The following HS6ST2 variants were observed in gnomAD, a reference collection of about 807,000 sequenced individuals.
The protein encoded by HS6ST2 is heparan-sulfate 6-O-sulfotransferase 2.
In HS6ST2, 17 loss-of-function variants were observed where a neutral mutation model predicts 33.0. The observed-to-expected ratio is 0.52, with a 90% CI of 0.35 to 0.77. The LOEUF (loss-of-function observed/expected upper bound fraction) is 0.77. Ranked by LOEUF, HS6ST2 falls within the 30% of genes least tolerant of loss-of-function variation. The pLI, the probability that HS6ST2 is intolerant of heterozygous loss-of-function variation, is 0.01. For synonymous variants in HS6ST2, 248 were observed against 237.1 expected, an observed-to-expected ratio of 1.05 and a Z score of -0.42; for missense variants, 519 against 551.7, an observed-to-expected ratio of 0.94 and a Z score of 0.59.
intron 2 of HS6ST2, among the ~76,000 whole-genome samples, chrX:132,779,229 C>T (rs1482746800): frequency 1.8e-5 from 2 of 111,677 alleles, no homozygotes; most frequent in East Asian, 5.6e-4. Context: ...TTAAAACATG[C>T]TTCATACCTC....
intron 2 of HS6ST2, among the ~76,000 whole-genome samples, chrX:132,786,045 C>T (rs1456193404): frequency 2.7e-5 from 3 of 111,725 alleles, no homozygotes; most frequent in Middle Eastern, 4.6e-3. Flanking sequence ...TGTCTCAGTT[C>T]CCTCATCTGT....
chrX:132,862,024 A>G (rs1304740334), intron 2 of HS6ST2, among the ~76,000 whole-genome samples: 1 of 111,916 alleles, frequency 8.9e-6, no homozygotes, highest in African/African-American at 3.2e-5. Flanking sequence ...ATTGAATCTT[A>G]TGCCATTTGA....
intron 3 of HS6ST2, among the ~76,000 whole-genome samples, chrX:132,699,218 G>C (rs1294895329): frequency 1.8e-5 from 2 of 111,590 alleles, no homozygotes; most frequent in African/African-American, 6.5e-5. Flanking sequence ...AGAAAGCTAG[G>C]GGCCTCTCCC....
chrX:132,914,858 A>T (rs771036617), intron 2 of HS6ST2, among the ~76,000 whole-genome samples: 1 of 112,916 alleles, frequency 8.9e-6, no homozygotes, highest in Non-Finnish European at 1.9e-5. Flanking sequence ...TACATTTTTA[A>T]GTATTAAGAT....
At chrX:132,727,091 T>C (rs1423677108) in intron 2 of HS6ST2, among the ~76,000 whole-genome samples, 2 of 110,855 alleles carry the variant, frequency 1.8e-5, no homozygotes, top group African/African-American at 6.6e-5. Flanking sequence ...TGACTCTTTA[T>C]GGAACTTAAG....
chrX:132,792,688 C>T (rs977214806), intron 2 of HS6ST2, among the ~76,000 whole-genome samples: 5 of 111,576 alleles, frequency 4.5e-5, no homozygotes. Flanking sequence ...CTGCCCACCA[C>T]TAATCTGCTT....
chrX:132,872,069 T>G (rs2066065682), intron 2 of HS6ST2, among the ~76,000 whole-genome samples: 1 of 111,126 alleles, frequency 9.0e-6, no homozygotes, highest in Non-Finnish European at 1.9e-5. Context: ...TCACCAAGAT[T>G]AGTTGGTATG....
chrX:132,749,630 G>A (rs927780003), intron 2 of HS6ST2, among the ~76,000 whole-genome samples: 2 of 112,029 alleles, frequency 1.8e-5, no homozygotes, highest in African/African-American at 6.5e-5. Context: ...CGCAGGCCAC[G>A]TGCTTATGGG....
intron 2 of HS6ST2, among the ~76,000 whole-genome samples, chrX:132,932,912 TATATA>T (rs1171012216): frequency 2.8e-5 from 3 of 106,326 alleles, no homozygotes; most frequent in South Asian, 3.9e-4. Flanking sequence ...TATATATTTA[TATATA>T]ATATATTTTT....
At chrX:132,789,730 G>A (rs1054529838) in intron 2 of HS6ST2, among the ~76,000 whole-genome samples, 1 of 111,914 alleles carries the variant, frequency 8.9e-6, no homozygotes, top group East Asian at 2.8e-4. Flanking sequence ...CAACATTAAC[G>A]GGAGTTTGGA....
chrX:132,845,643 ATTAG>A (rs1448113472), intron 2 of HS6ST2, among the ~76,000 whole-genome samples: 1 of 111,303 alleles, frequency 9.0e-6, no homozygotes, highest in Non-Finnish European at 1.9e-5. Context: ...TTGAGAGGCT[ATTAG>A]TTGTGCACAT....
intron 2 of HS6ST2, among the ~76,000 whole-genome samples, chrX:132,775,975 T>G (rs2064953921): frequency 9.0e-6 from 1 of 111,574 alleles, no homozygotes; most frequent in African/African-American, 3.3e-5. Flanking sequence ...ATACTCAAAT[T>G]TAGATGCTGA....
At chrX:132,781,784 C>T (rs985862969) in intron 2 of HS6ST2, among the ~76,000 whole-genome samples, 4 of 111,817 alleles carry the variant, frequency 3.6e-5, no homozygotes, top group African/African-American at 1.3e-4. Flanking sequence ...AACTCACTCA[C>T]TATCACAAGA....
At chrX:132,815,653 A>T (rs1322712540) in intron 2 of HS6ST2, among the ~76,000 whole-genome samples, 1 of 111,914 alleles carries the variant, frequency 8.9e-6, no homozygotes, top group African/African-American at 3.2e-5. Flanking sequence ...GTTTCCTCAT[A>T]TGTGAAATGA....
chrX:132,859,630 G>A (rs1188966621), intron 2 of HS6ST2, among the ~76,000 whole-genome samples: 2 of 93,232 alleles, frequency 2.1e-5, no homozygotes, highest in African/African-American at 7.9e-5. Context: ...GAGGGAAGGA[G>A]AGAGTCAGAG....
chrX:132,881,088 C>A (rs1181937350), intron 2 of HS6ST2, among the ~76,000 whole-genome samples: 1 of 111,160 alleles, frequency 9.0e-6, no homozygotes, highest in Admixed American at 9.6e-5. Flanking sequence ...AATAAACATA[C>A]ATGTGCATGT....
At chrX:132,884,526 A>G (rs1447814431) in intron 2 of HS6ST2, among the ~76,000 whole-genome samples, 1 of 112,047 alleles carries the variant, frequency 8.9e-6, no homozygotes, top group East Asian at 2.8e-4. Context: ...ATTCCACAAG[A>G]CACTAAGTGC....
chrX:132,926,326 G>A (rs2066709977), intron 2 of HS6ST2, among the ~76,000 whole-genome samples: 2 of 112,410 alleles, frequency 1.8e-5, no homozygotes, highest in South Asian at 3.7e-4. Context: ...GAAGGAATGG[G>A]CATCCAAATG....
At chrX:132,650,741 ATCTCTCTCTC>A (rs3066707) in intron 4 of HS6ST2, among the ~76,000 whole-genome samples, 19 of 87,401 alleles carry the variant, frequency 2.2e-4, no homozygotes, top group East Asian at 3.6e-4. Context: ...CATAGGAGGG[ATCTCTCTCTC>A]TCTCTCTCTC....
Sources: allele counts gnomAD v4.1 joint callset (sites outside exome capture counted in the v4.1 genomes callset), GRCh38; gene constraint gnomAD v4.1.1; transcripts MANE v1.5; gene names NCBI Gene and HGNC (gene_info 2026-07-23, HGNC 2026-07-21).